Variants in PELI2 observed in about 807,000 individuals in gnomAD.
PELI2 encodes pellino E3 ubiquitin protein ligase family member 2.
Under a neutral mutation model 42.3 loss-of-function variants are expected in PELI2, and 23 were observed. The ratio of observed to expected loss-of-function variants is 0.54; its 90% confidence interval spans 0.39 to 0.77. PELI2 has a LOEUF of 0.77. Among genes scored for constraint, PELI2 ranks in the 30% least tolerant of loss-of-function variants. The probability of loss-of-function intolerance (pLI) is 0.00; values close to 1 mark genes in which losing one functional copy is unlikely to be tolerated. For synonymous variants in PELI2, 245 were observed against 212.2 expected, an observed-to-expected ratio of 1.15 and a Z score of -1.34; for missense variants, 463 against 553.2, an observed-to-expected ratio of 0.84 and a Z score of 1.64.
intron 2 of PELI2, among the ~76,000 whole-genome samples, chr14:56,232,640 C>T (rs1433812621): frequency 1.3e-5 from 2 of 151,606 alleles, no homozygotes; most frequent in Non-Finnish European, 2.9e-5. Flanking sequence ...TGACAAACCC[C>T]CAGCCAGTAT....
At chr14:56,128,027 T>C (rs3912200) in intron 1 of PELI2, among the ~76,000 whole-genome samples, 80,166 of 151,890 alleles carry the variant, frequency 0.53, 21,491 homozygotes, top group African/African-American at 0.62. Flanking sequence ...ATATTAAAAA[T>C]GGGATTCATT....
chr14:56,185,311 A>G (rs1047775095), intron 2 of PELI2, among the ~76,000 whole-genome samples: 1 of 152,152 alleles, frequency 6.6e-6, no homozygotes, highest in African/African-American at 2.4e-5. Flanking sequence ...GTTGCAAATA[A>G]TGTAAGTATA....
Position 56,231,789 on chromosome 14 carries a change from A to G in PELI2, c.208-47887A>G, listed in dbSNP as rs531606226. On this transcript the variant is annotated intron_variant, in intron 2 of 5. Transcript: ENST00000267460. Reference sequence around the variant, plus strand: ...ATAACTGAAGGAGACAGAGACACAGAAAACCCTTCAATAAATCAGTGAATC... The same window carrying G: ...ATAACTGAAGGAGACAGAGACACAGGAAACCCTTCAATAAATCAGTGAATC... Among the ~76,000 whole-genome samples, 4 of 152,354 alleles carry G rather than the reference A, an allele frequency of 2.6e-5. No homozygotes were observed. The South Asian group carries it at 8.3e-4, about 32-fold the overall frequency.
chr14:56,292,123 C>T (rs937945060), intron 5 of PELI2, among the ~76,000 whole-genome samples: 10 of 152,094 alleles, frequency 6.6e-5, no homozygotes, highest in South Asian at 6.2e-4. Flanking sequence ...TTTTACAGTG[C>T]GACTGAAAAG....
intron 1 of PELI2, among the ~76,000 whole-genome samples, chr14:56,161,200 A>G (rs1475017893): frequency 1.3e-5 from 2 of 152,128 alleles, no homozygotes; most frequent in Non-Finnish European, 2.9e-5. Context: ...TCCCAATTCA[A>G]AGCTTACTAT....
intron 2 of PELI2, among the ~76,000 whole-genome samples, chr14:56,182,850 G>A (rs1031772352): frequency 2.8e-4 from 42 of 152,128 alleles, no homozygotes; most frequent in African/African-American, 9.2e-4. Flanking sequence ...AGCTGATTTT[G>A]TAGGATGTGC....
chr14:56,282,970 A>G (rs1450670460), intron 3 of PELI2, among the ~76,000 whole-genome samples: 1 of 152,204 alleles, frequency 6.6e-6, no homozygotes, highest in East Asian at 1.9e-4. Context: ...CACAATTGTC[A>G]GTGATACTTT....
At chr14:56,133,279 G>C (rs1220079703) in intron 1 of PELI2, among the ~76,000 whole-genome samples, 1 of 152,110 alleles carries the variant, frequency 6.6e-6, no homozygotes, top group East Asian at 1.9e-4. Flanking sequence ...TTCTTGATCA[G>C]AGTGAGGTAT....
intron 1 of PELI2, among the ~76,000 whole-genome samples, chr14:56,123,773 C>T (rs532687500): frequency 1.2e-4 from 19 of 152,158 alleles, no homozygotes; most frequent in African/African-American, 4.3e-4. Flanking sequence ...AACATTTTAT[C>T]GAAAAGATAA....
At chr14:56,123,788 C>T (rs946102077) in intron 1 of PELI2, among the ~76,000 whole-genome samples, 5 of 152,164 alleles carry the variant, frequency 3.3e-5, no homozygotes, top group African/African-American at 1.2e-4. Context: ...AGATAAAATA[C>T]TTATGCACAA....
intron 2 of PELI2, among the ~76,000 whole-genome samples, chr14:56,192,090 A>T (rs1885966882): frequency 6.6e-6 from 1 of 152,174 alleles, no homozygotes; most frequent in Non-Finnish European, 1.5e-5. Flanking sequence ...GCTGACCTCA[A>T]GTGATCCACC....
chr14:56,163,999 A>G (rs779440878), intron 1 of PELI2, among the ~76,000 whole-genome samples: 1 of 152,140 alleles, frequency 6.6e-6, no homozygotes, highest in Non-Finnish European at 1.5e-5. Context: ...ATTATCTGCA[A>G]ACAAGGATAA....
At chr14:56,223,979 A>G (rs375890711) in intron 2 of PELI2, among the ~76,000 whole-genome samples, 3 of 152,206 alleles carry the variant, frequency 2.0e-5, no homozygotes, top group Non-Finnish European at 2.9e-5. Flanking sequence ...TTTAGAGTGT[A>G]TTTCTGAGAG....
At chr14:56,266,430 T>C (rs889048214) in intron 2 of PELI2, among the ~76,000 whole-genome samples, 5 of 151,956 alleles carry the variant, frequency 3.3e-5, no homozygotes, top group Non-Finnish European at 7.4e-5. Context: ...CCAAAAAATA[T>C]TGAGCAAAGG....
Position 56,296,912 on chromosome 14 carries a change from A to C in PELI2, c.1009A>C (p.Met337Leu), listed in dbSNP as rs1890028271. 1 of 1,614,122 alleles carries C rather than the reference A, an allele frequency of 6.2e-7. No homozygotes were observed. Among genetic ancestry groups the C allele is most frequent in the Non-Finnish European group, 8.5e-7 (1 of 1,180,018 alleles). ...DTEANERECP[M>L]CRTVGPYVPL... ...GGAGGCCAACGAGAGGGAGTGTCCC[A>C]TGTGCAGGACTGTGGGCCCCTATGT... The change falls in exon 6 of 6, where the codon ATG becomes CTG. Residue 337 changes from methionine (M) to leucine (L), a missense_variant. Physicochemically the swap from Met to Leu is conservative, Grantham distance 15. Coordinates refer to ENST00000267460, the MANE Select transcript of PELI2 (RefSeq NM_021255.3).
At chr14:56,271,511 T>C (rs1328434659) in intron 2 of PELI2, among the ~76,000 whole-genome samples, 1 of 152,228 alleles carries the variant, frequency 6.6e-6, no homozygotes, top group Non-Finnish European at 1.5e-5. Flanking sequence ...GTATAGTTGT[T>C]TATTTAGATT....
At chr14:56,213,582 A>T (rs762532223) in intron 2 of PELI2, among the ~76,000 whole-genome samples, 10 of 152,168 alleles carry the variant, frequency 6.6e-5, no homozygotes, top group Non-Finnish European at 1.2e-4. Context: ...CAGCAGTTTG[A>T]CAGTTTCATT....
intron 2 of PELI2, among the ~76,000 whole-genome samples, chr14:56,231,788 GA>G (rs1887582343): frequency 6.6e-6 from 1 of 152,096 alleles, no homozygotes; most frequent in African/African-American, 2.4e-5. Flanking sequence ...CAGAGACACA[GA>G]AAACCCTTCA....
chr14:56,262,011 G>A (rs1356180443), intron 2 of PELI2, among the ~76,000 whole-genome samples: 1 of 152,222 alleles, frequency 6.6e-6, no homozygotes, highest in African/African-American at 2.4e-5. Flanking sequence ...TTTGGTGGGT[G>A]ATGTCTTTAG....
Sources: gnomAD v4.1 joint callset for allele counts (sites outside exome capture counted in the v4.1 genomes callset) on GRCh38, gnomAD v4.1.1 for gene constraint, MANE v1.5 for transcripts, NCBI Gene and HGNC (gene_info 2026-07-23, HGNC 2026-07-21) for gene names.